Variants in RRAGB observed in about 807,000 individuals in gnomAD.
RRAGB encodes Ras related GTP binding B.
Under a neutral mutation model 29.3 loss-of-function variants are expected in RRAGB, and 6 were observed. That is an observed-to-expected ratio of 0.21 (90% CI 0.11 to 0.40). RRAGB has a LOEUF of 0.40. RRAGB is among the 10% of genes least tolerant of loss of function. RRAGB has a pLI of 1.00. For synonymous variants in RRAGB, 101 were observed against 92.5 expected (o/e 1.09, Z -0.53); for missense variants, 184 against 272.9 (o/e 0.67, Z 2.29).
chrX:55,746,673 A>G (rs959279386), intron 5 of RRAGB, among the ~76,000 whole-genome samples: 5 of 112,057 alleles, frequency 4.5e-5, no homozygotes, highest in Non-Finnish European at 7.5e-5. Flanking sequence ...GAACATTACA[A>G]TGTCCCTAAA....
chrX:55,728,531 C>T (rs963928502), intron 3 of RRAGB, among the ~76,000 whole-genome samples: 1 of 111,032 alleles, frequency 9.0e-6, no homozygotes, highest in African/African-American at 3.3e-5. Flanking sequence ...AGATTGGAAG[C>T]CAAATTGTGA....
chrX:55,748,945 G>T (rs1280588190), intron 5 of RRAGB, among the ~76,000 whole-genome samples: 4 of 84,676 alleles, frequency 4.7e-5, no homozygotes, highest in African/African-American at 1.4e-4. Flanking sequence ...CAGCTGCCCC[G>T]TCCGGGAGGG....
intron 7 of RRAGB, 22 bp from the exon 8 acceptor site, chrX:55,755,819 A>G: frequency 8.5e-7 from 1 of 1,182,876 alleles, no homozygotes; most frequent in Non-Finnish European, 1.1e-6. Context: ...ATGGATTCAA[A>G]GGACAATATT....
intron 4 of RRAGB, among the ~76,000 whole-genome samples, chrX:55,730,854 T>C (rs181928304): frequency 1.8e-5 from 2 of 110,905 alleles, no homozygotes; most frequent in East Asian, 2.8e-4. Flanking sequence ...TGTATTGATA[T>C]AAGAGCCTAT....
intron 5 of RRAGB, chrX:55,731,852 A>G (rs2033691975): frequency 7.5e-6 from 2 of 267,533 alleles, no homozygotes; most frequent in African/African-American, 2.7e-5. Context: ...TTTTTAAAAT[A>G]TATTTGCTGC....
rs201483847 is a variant in RRAGB, at chrX:55,753,526, C to A, written c.735+12C>A. On this transcript the variant is annotated intron_variant, in intron 7 of 9. Transcript: ENST00000374941. Reference sequence around the variant, plus strand: ...GAGCTACTTTTCTGGTAAGAACTTTCTGCTTTGCAGATGTACTTCACACTG... The same window carrying A: ...GAGCTACTTTTCTGGTAAGAACTTTATGCTTTGCAGATGTACTTCACACTG... The A allele has an allele frequency of 8.9e-4, 1,056 of 1,182,380 alleles. 2 individuals carry two copies. The Middle Eastern group carries it at 0.013, about 14-fold the overall frequency.
At position 55,758,329 on chromosome X, in the gene RRAGB, C is replaced by T. The variant is rs1367708083; in HGVS notation, c.1027C>T (p.Leu343Phe). 7 of 1,185,220 alleles carry T rather than the reference C, an allele frequency of 5.9e-6. No individual in the cohort carries two copies. Among genetic ancestry groups the T allele is most frequent in the Non-Finnish European group, 6.9e-6 (6 of 874,086 alleles). The change falls in exon 10 of 10, where the codon CTT (leucine) becomes TTT (phenylalanine). Residue 343 changes from leucine (L) to phenylalanine (F), a missense_variant. By Grantham distance (22) the Leu-to-Phe change is conservative. Coordinates refer to ENST00000374941, the MANE Select transcript of RRAGB (RefSeq NM_006064.5). ...LERVDGPKQC[L>F]LMR is the part of the protein sequence containing the mutation. The stretch of plus-strand genomic sequence containing the variant: ...AAGAGTGGATGGACCAAAGCAGTGT[C>T]TTCTCATGCGCTAAACATTGATGAA...
intron 5 of RRAGB, among the ~76,000 whole-genome samples, chrX:55,748,273 C>T (rs746780035): frequency 2.7e-5 from 3 of 112,718 alleles, no homozygotes; most frequent in Non-Finnish European, 5.6e-5. Context: ...AGATTGCAGC[C>T]TCTGCCTGCC....
intron 5 of RRAGB, among the ~76,000 whole-genome samples, chrX:55,736,613 A>C (rs1192970355): frequency 9.0e-6 from 1 of 111,634 alleles, no homozygotes; most frequent in Non-Finnish European, 1.9e-5. Context: ...ATTTCGTCTT[A>C]TTATTTTTGA....
intron 9 of RRAGB, 118 bp from the exon 10 acceptor site, chrX:55,758,128 A>T: frequency 2.6e-6 from 1 of 390,930 alleles, no homozygotes. Context: ...CTATTCCTGT[A>T]TGTTCTCTGA....
intron 3 of RRAGB, among the ~76,000 whole-genome samples, chrX:55,726,282 A>T (rs773065763): frequency 9.0e-6 from 1 of 111,568 alleles, no homozygotes; most frequent in Non-Finnish European, 1.9e-5. Flanking sequence ...TTTCTCCCTC[A>T]CTCTCAGGCC....
rs566964272 is a variant in RRAGB, at chrX:55,751,464, A to T, written c.612+268A>T. Reference sequence around the variant, plus strand: ...GATTAATTTGATACTGGTCTTTGTAATAGCAGAGGTTTCACTTACTGGCCA... The same window carrying T: ...GATTAATTTGATACTGGTCTTTGTATTAGCAGAGGTTTCACTTACTGGCCA... On this transcript the variant is annotated intron_variant, in intron 6 of 9. Transcript: ENST00000374941. 316 of 236,645 alleles carry T rather than the reference A, an allele frequency of 1.3e-3. 1 individual carries two copies. In the South Asian group the frequency reaches 0.035, roughly 26 times the overall value. The allele number at this position is 236,645 out of a possible 1,213,427, so 19.5% of individuals were successfully genotyped here.
At position 55,720,192 on chromosome X, in the gene RRAGB, T is replaced by G. The variant is rs192648415; in HGVS notation, c.126+845T>G. ...CTTGATGAGCCTGTCTGAAGTTGCT[T>G]TCATTGAGAATGCCTAAAAGTACAG... On this transcript the variant is annotated intron_variant, in intron 2 of 9. Transcript: ENST00000374941. 6.5e-3 allele frequency among the ~76,000 whole-genome samples: 724 copies of G among 112,172 alleles called. 4 individuals carry two copies. Among genetic ancestry groups the G allele is most frequent in the Middle Eastern group, 9.1e-3 (2 of 219 alleles).
At chrX:55,728,563 T>C (rs979112253) in intron 3 of RRAGB, among the ~76,000 whole-genome samples, 5 of 111,689 alleles carry the variant, frequency 4.5e-5, no homozygotes, top group African/African-American at 1.6e-4. Flanking sequence ...TGCCTCCCCA[T>C]AGGCATGGAG....
chrX:55,750,184 ATGTGTG>A (rs141091954), intron 5 of RRAGB, among the ~76,000 whole-genome samples: 3,166 of 93,617 alleles, frequency 0.034, 48 homozygotes, highest in Non-Finnish European at 0.047. Context: ...ATACATACGT[ATGTGTG>A]TGTGTGTGTG....
At chrX:55,739,235 C>T (rs1315826282) in intron 5 of RRAGB, among the ~76,000 whole-genome samples, 1 of 112,771 alleles carries the variant, frequency 8.9e-6, no homozygotes, top group African/African-American at 3.2e-5. Context: ...TGTTTGTTCA[C>T]GAAGCTGGGG....
chrX:55,727,630 T>A (rs190514333), intron 3 of RRAGB, among the ~76,000 whole-genome samples: 192 of 112,000 alleles, frequency 1.7e-3, no homozygotes, highest in African/African-American at 6.0e-3. Context: ...GATATTTGAA[T>A]GAAGATTTGT....
chrX:55,749,080 G>A (rs2034401395), intron 5 of RRAGB, among the ~76,000 whole-genome samples: 3 of 99,264 alleles, frequency 3.0e-5, no homozygotes, highest in South Asian at 5.0e-4. Context: ...CCCCCCGCCC[G>A]GCCAGCCGCC....
rs1192266887 is a variant in RRAGB at position 55,748,783 on chromosome X, T to TG, written c.517-2311dup. On this transcript the variant is annotated intron_variant, in intron 5 of 9. Coordinates refer to ENST00000374941, the MANE Select transcript of RRAGB (RefSeq NM_006064.5). ...CCAGCCGCCCCATCTGGGAGGGAGG[T>TG]GGGGGGGTCAGCCCCCCGCCTGGCC... Among the ~76,000 whole-genome samples, 20 of 95,090 alleles carry TG rather than the reference T, an allele frequency of 2.1e-4. 1 individual carries two copies. Among genetic ancestry groups the TG allele is most frequent in the South Asian group, 9.8e-4 (2 of 2,047 alleles). The allele number at this position is 95,090 out of a possible 115,157, so 82.6% of individuals were successfully genotyped here.
Sources: gnomAD v4.1 joint callset for allele counts (sites outside exome capture counted in the v4.1 genomes callset) on GRCh38, gnomAD v4.1.1 for gene constraint, MANE v1.5 for transcripts, NCBI Gene and HGNC (gene_info 2026-07-23, HGNC 2026-07-21) for gene names.